The following MARCHF11 variants were observed in gnomAD, a reference collection of about 807,000 sequenced individuals.
MARCHF11 encodes the protein membrane associated ring-CH-type finger 11.
In MARCHF11, 29 loss-of-function variants were observed where a neutral mutation model predicts 37.3. The observed-to-expected ratio is 0.78, with a 90% CI of 0.58 to 1.06. The LOEUF (loss-of-function observed/expected upper bound fraction) is 1.06. Among genes scored for constraint, MARCHF11 ranks in the 50% least tolerant of loss-of-function variants. The pLI is 0.00. For synonymous variants in MARCHF11, 233 were observed against 228.0 expected (o/e 1.02, Z -0.20); for missense variants, 482 against 533.4 (o/e 0.90, Z 0.95).
At chr5:16,125,856 T>G (rs1404172430) in intron 2 of MARCHF11, among the ~76,000 whole-genome samples, 1 of 152,132 alleles carries the variant, frequency 6.6e-6, no homozygotes, top group Non-Finnish European at 1.5e-5. Flanking sequence ...CCAGTAGGTG[T>G]GCAAAGTAAG....
At chr5:16,093,823 T>C (rs1241595098) in intron 2 of MARCHF11, among the ~76,000 whole-genome samples, 3 of 152,234 alleles carry the variant, frequency 2.0e-5, no homozygotes, top group South Asian at 2.1e-4. Context: ...ACTATCATCA[T>C]AGAAATTATT....
Position 16,113,634 on chromosome 5 carries a change from TA to T in MARCHF11, c.694-22554del, listed in dbSNP as rs905230903. On this transcript the variant is annotated intron_variant, in intron 2 of 3. Coordinates refer to ENST00000332432, the MANE Select transcript of MARCHF11 (RefSeq NM_001102562.3). ...AGAATCTCAACACTATAGTGCCTTT[TA>T]AAAAAAATGTAACACAGTATTTTTA... Among the ~76,000 whole-genome samples, 13 of 151,946 alleles carry T rather than the reference TA, an allele frequency of 8.6e-5. No homozygotes were observed. In the East Asian group the frequency reaches 9.7e-4, roughly 11 times the overall value.
At chr5:16,084,190 T>C (rs1736655774) in intron 3 of MARCHF11, among the ~76,000 whole-genome samples, 1 of 152,224 alleles carries the variant, frequency 6.6e-6, no homozygotes, top group African/African-American at 2.4e-5. Flanking sequence ...ACCATAATAA[T>C]ACATGGTATT....
chr5:16,130,960 T>G (rs1737505477), intron 2 of MARCHF11, among the ~76,000 whole-genome samples: 1 of 152,224 alleles, frequency 6.6e-6, no homozygotes, highest in Non-Finnish European at 1.5e-5. Flanking sequence ...ATCTGATATC[T>G]TCTTCATTTT....
intron 2 of MARCHF11, among the ~76,000 whole-genome samples, chr5:16,170,996 G>A (rs183128528): frequency 3.3e-5 from 5 of 152,140 alleles, no homozygotes; most frequent in Non-Finnish European, 7.4e-5. Flanking sequence ...TAACCAAAGC[G>A]ACTCCTCAGA....
chr5:16,164,086 A>G (rs1451151070), intron 2 of MARCHF11, among the ~76,000 whole-genome samples: 3 of 152,072 alleles, frequency 2.0e-5, no homozygotes, highest in Non-Finnish European at 2.9e-5. Context: ...AACTGTGAAA[A>G]TCAATGTCTG....
chr5:16,138,513 G>A (rs1267873629), intron 2 of MARCHF11, among the ~76,000 whole-genome samples: 1 of 152,172 alleles, frequency 6.6e-6, no homozygotes, highest in Non-Finnish European at 1.5e-5. Flanking sequence ...ATGCAGAAGG[G>A]AAATATGGGG....
intron 2 of MARCHF11, among the ~76,000 whole-genome samples, chr5:16,103,802 C>T (rs1314199589): frequency 2.0e-5 from 3 of 152,088 alleles, no homozygotes; most frequent in South Asian, 2.1e-4. Flanking sequence ...ACTGAAACCA[C>T]CAGGCCATGA....
At chr5:16,074,133 T>C (rs1736478336) in intron 3 of MARCHF11, among the ~76,000 whole-genome samples, 1 of 152,178 alleles carries the variant, frequency 6.6e-6, no homozygotes, top group African/African-American at 2.4e-5. Flanking sequence ...AGGGATTAAA[T>C]AACCTGCTCC....
intron 2 of MARCHF11, among the ~76,000 whole-genome samples, chr5:16,108,422 A>C (rs1737081870): frequency 1.3e-5 from 2 of 152,348 alleles, no homozygotes; most frequent in Admixed American, 1.3e-4. Context: ...TATTAAAAGA[A>C]ATAAGCTTAT....
chr5:16,075,540 C>T (rs1035824365), intron 3 of MARCHF11, among the ~76,000 whole-genome samples: 10 of 151,936 alleles, frequency 6.6e-5, no homozygotes, highest in African/African-American at 2.2e-4. Context: ...GGAACCTGTT[C>T]CTATCTCAGT....
At chr5:16,088,845 T>A (rs1736743237) in intron 3 of MARCHF11, among the ~76,000 whole-genome samples, 1 of 152,164 alleles carries the variant, frequency 6.6e-6, no homozygotes, top group African/African-American at 2.4e-5. Flanking sequence ...AAGACTCAGA[T>A]AAAATACTCA....
chr5:16,078,474 C>T (rs1031232419), intron 3 of MARCHF11, among the ~76,000 whole-genome samples: 1 of 152,144 alleles, frequency 6.6e-6, no homozygotes, highest in African/African-American at 2.4e-5. Flanking sequence ...TATGCTCAGC[C>T]GTGTGGTTCT....
intron 2 of MARCHF11, among the ~76,000 whole-genome samples, chr5:16,149,156 C>T (rs1403860823): frequency 6.6e-6 from 1 of 152,084 alleles, no homozygotes; most frequent in Non-Finnish European, 1.5e-5. Context: ...CCAGTGTCCT[C>T]CTTACCCAGT....
intron 2 of MARCHF11, among the ~76,000 whole-genome samples, chr5:16,130,752 G>A (rs1051217034): frequency 3.3e-5 from 5 of 152,152 alleles, no homozygotes; most frequent in African/African-American, 9.7e-5. Context: ...TGCCATCACA[G>A]GTTAATCTTA....
chr5:16,095,954 A>C (rs1014705573), intron 2 of MARCHF11, among the ~76,000 whole-genome samples: 3 of 152,330 alleles, frequency 2.0e-5, no homozygotes, highest in African/African-American at 4.8e-5. Context: ...TCCAACTGCC[A>C]GATTTGCATT....
chr5:16,139,088 T>G (rs1411987338), intron 2 of MARCHF11, among the ~76,000 whole-genome samples: 1 of 152,144 alleles, frequency 6.6e-6, no homozygotes, highest in African/African-American at 2.4e-5. Context: ...CATGAGGACA[T>G]GAGATTTGGG....
In MARCHF11 at chr5:16,179,677, G is replaced by T; in HGVS notation, c.-102C>A. 1.2e-6 allele frequency: 1 copy of T among 855,880 alleles called. No homozygotes were observed. The highest frequency in any genetic ancestry group is 1.5e-6 in the Non-Finnish European group (1 of 686,210). 53.0% of individuals were successfully genotyped at this position (855,880 alleles called of 1,614,324 possible). ...GGGCGGGAGGGAGAGGGGAAAAGGA[G>T]GGAGGGGGCCCGGACGCCTGGGGCT... On this transcript the variant is annotated 5_prime_UTR_variant, in exon 1 of 4. Transcript: ENST00000332432.
intron 2 of MARCHF11, among the ~76,000 whole-genome samples, chr5:16,122,820 C>T (rs139961940): frequency 6.6e-6 from 1 of 152,312 alleles, no homozygotes; most frequent in African/African-American, 2.4e-5. Context: ...GAGAGGGCCA[C>T]AGAGATGTTT....
Sources: gnomAD v4.1 joint callset for allele counts (sites outside exome capture counted in the v4.1 genomes callset) on GRCh38, gnomAD v4.1.1 for gene constraint, MANE v1.5 for transcripts, NCBI Gene and HGNC (gene_info 2026-07-23, HGNC 2026-07-21) for gene names.